The following SCUBE1 variants were observed in gnomAD, a reference collection of about 807,000 sequenced individuals.
SCUBE1 encodes signal peptide, CUB and EGF-like domain-containing protein 1.
Under a neutral mutation model 124.4 loss-of-function variants are expected in SCUBE1, and 59 were observed. That is an observed-to-expected ratio of 0.47 (90% confidence interval 0.38 to 0.59). The LOEUF is 0.59. Ranked by LOEUF, SCUBE1 falls within the 20% of genes least tolerant of loss-of-function variation. SCUBE1 has a pLI of 0.00. For missense variants in SCUBE1, 1,150 were observed against 1,371.2 expected, an observed-to-expected ratio of 0.84 and a Z score of 2.55; for synonymous variants, 545 against 550.9, an observed-to-expected ratio of 0.99 and a Z score of 0.15.
In SCUBE1 at chr22:43,203,603, C is replaced by T. The variant is rs943837257; in HGVS notation, c.*394G>A. ...GACCTCCCCCAGACGGCGCCTTTGT[C>T]CCCTCCTCTCTCCCCTGGACTCCTG... On this transcript the variant is annotated 3_prime_UTR_variant, in exon 22 of 22. Coordinates refer to ENST00000360835, the MANE Select transcript of SCUBE1 (RefSeq NM_173050.5). 1.7e-5 allele frequency: 3 copies of T among 172,228 alleles called. No homozygotes were observed. The highest frequency in any genetic ancestry group is 7.2e-5 in the African/African-American group (3 of 41,738). The allele number at this position is 172,228 out of a possible 1,614,324, so 10.7% of individuals were successfully genotyped here.
At chr22:43,236,998 C>T (rs1365738599) in intron 7 of SCUBE1, among the ~76,000 whole-genome samples, 1 of 152,010 alleles carries the variant, frequency 6.6e-6, no homozygotes, top group Non-Finnish European at 1.5e-5. Context: ...TGAGTGCAGC[C>T]ACAGGCCCAG....
intron 2 of SCUBE1, among the ~76,000 whole-genome samples, chr22:43,324,654 T>C (rs1460193135): frequency 4.0e-5 from 6 of 151,778 alleles, no homozygotes; most frequent in African/African-American, 1.5e-4. Flanking sequence ...TAAAAACATA[T>C]CCAGGAGTCG....
At chr22:43,214,734 G>T (rs1179666250) in intron 15 of SCUBE1, among the ~76,000 whole-genome samples, 2 of 152,346 alleles carry the variant, frequency 1.3e-5, no homozygotes, top group Non-Finnish European at 2.9e-5. Context: ...CGGGCGAGGT[G>T]GGAGGGGCGT....
intron 3 of SCUBE1, among the ~76,000 whole-genome samples, chr22:43,310,128 G>A (rs761496630): frequency 1.5e-4 from 23 of 151,924 alleles, no homozygotes; most frequent in Non-Finnish European, 2.8e-4. Flanking sequence ...GCCCCGGCCC[G>A]CCTCGTTGCC....
intron 6 of SCUBE1, among the ~76,000 whole-genome samples, chr22:43,254,329 G>A (rs1372248706): frequency 6.6e-6 from 1 of 152,226 alleles, no homozygotes; most frequent in Non-Finnish European, 1.5e-5. Context: ...CCCCTAAGGA[G>A]TGGGCAGGCC....
chr22:43,319,796 G>C, intron 3 of SCUBE1, 141 bp downstream of exon 3: 1 of 969,014 alleles, frequency 1.0e-6, no homozygotes, highest in Non-Finnish European at 1.5e-6. Flanking sequence ...CCAGTCTGTG[G>C]TATTTTGTTA....
chr22:43,289,434 C>T (rs1340503910), intron 4 of SCUBE1, among the ~76,000 whole-genome samples: 9 of 152,220 alleles, frequency 5.9e-5, no homozygotes, highest in African/African-American at 1.4e-4. Context: ...CCAGGAGCCA[C>T]GGAGCTCGGG....
intron 6 of SCUBE1, among the ~76,000 whole-genome samples, chr22:43,254,676 C>G (rs1923589248): frequency 6.6e-6 from 1 of 152,198 alleles, no homozygotes; most frequent in Non-Finnish European, 1.5e-5. Flanking sequence ...TGTGAGCTAT[C>G]TGAGAGCCAT....
chr22:43,210,807 G>C lies in SCUBE1; in HGVS notation c.2383+115C>G. 8.0e-7 allele frequency: 1 copy of C among 1,254,264 alleles called. No individual in the cohort carries two copies. Among genetic ancestry groups the C allele is most frequent in the Non-Finnish European group, 1.1e-6 (1 of 879,186 alleles). The allele number at this position is 1,254,264 out of a possible 1,614,324, so 77.7% of individuals were successfully genotyped here. ...ACCCGAGAGCAGACGGGACGGAGCG[G>C]GAGGAGTCCAGTGTCCTCGTGGAGC... On this transcript the variant is annotated intron_variant, in intron 18 of 21. Coordinates refer to ENST00000360835, the MANE Select transcript of SCUBE1 (RefSeq NM_173050.5). This position sits in a 1 kb window ranked among gnomAD's most constrained non-coding sequence, Gnocchi z 4.5.
At chr22:43,273,256 C>T (rs1404767669) in intron 4 of SCUBE1, among the ~76,000 whole-genome samples, 2 of 152,208 alleles carry the variant, frequency 1.3e-5, no homozygotes, top group African/African-American at 4.8e-5. Flanking sequence ...CAAGCTTCTC[C>T]GAAAGCAGGA....
intron 4 of SCUBE1, among the ~76,000 whole-genome samples, chr22:43,280,766 T>TCCTGTCACCTCCCTCATC (rs1569009869): frequency 6.6e-5 from 7 of 106,654 alleles, no homozygotes; most frequent in African/African-American, 2.8e-4. Flanking sequence ...CCTCCCTCAT[T>TCCTGTCACCTCCCTCATC]GGCCACCCTC....
intron 3 of SCUBE1, among the ~76,000 whole-genome samples, chr22:43,297,916 A>G (rs1925624208): frequency 6.6e-6 from 1 of 152,150 alleles, no homozygotes; most frequent in African/African-American, 2.4e-5. Context: ...CAGGCCCTCC[A>G]CTGGCTCCGG....
intron 6 of SCUBE1, among the ~76,000 whole-genome samples, chr22:43,247,903 G>C (rs750368632): frequency 6.6e-6 from 1 of 152,210 alleles, no homozygotes; most frequent in African/African-American, 2.4e-5. Context: ...CTGCAGGGCC[G>C]GGGGGTCAGG....
chr22:43,208,499 G>T (rs1921394783), intron 19 of SCUBE1, among the ~76,000 whole-genome samples: 1 of 152,118 alleles, frequency 6.6e-6, no homozygotes, highest in African/African-American at 2.4e-5. Context: ...ATCTTGCTCT[G>T]CTCTGGTGAA....
At chr22:43,291,633 C>A (rs1158816695) in intron 3 of SCUBE1, among the ~76,000 whole-genome samples, 1 of 152,052 alleles carries the variant, frequency 6.6e-6, no homozygotes, top group Non-Finnish European at 1.5e-5. Context: ...GCATGGTGGG[C>A]CTCCATCGTG....
intron 6 of SCUBE1, among the ~76,000 whole-genome samples, chr22:43,241,457 C>G (rs907128418): frequency 2.0e-5 from 3 of 152,098 alleles, no homozygotes; most frequent in Non-Finnish European, 2.9e-5. Flanking sequence ...TGGAGGGGAC[C>G]TGCTCCATCT....
At chr22:43,291,513 C>T (rs1925358089) in intron 3 of SCUBE1, among the ~76,000 whole-genome samples, 1 of 143,590 alleles carries the variant, frequency 7.0e-6, no homozygotes, top group South Asian at 2.3e-4. Flanking sequence ...TTTTGCTGTG[C>T]TACAGTGGTA....
chr22:43,247,465 C>CA (rs1923261507), intron 6 of SCUBE1, among the ~76,000 whole-genome samples: 1 of 152,224 alleles, frequency 6.6e-6, no homozygotes, highest in Non-Finnish European at 1.5e-5. Context: ...GCTCTAAGAA[C>CA]AAATGCACGG....
intron 6 of SCUBE1, among the ~76,000 whole-genome samples, chr22:43,252,753 T>C (rs945059156): frequency 2.6e-5 from 4 of 152,256 alleles, no homozygotes; most frequent in African/African-American, 9.6e-5. Flanking sequence ...TCTCCCCACA[T>C]AGGGACTGGC....
Sources: gnomAD v4.1 joint callset for allele counts (sites outside exome capture counted in the v4.1 genomes callset) on GRCh38, gnomAD v4.1.1 for gene constraint, Gnocchi (gnomAD v3.1) non-coding constraint, MANE v1.5 for transcripts, NCBI Gene and HGNC (gene_info 2026-07-23, HGNC 2026-07-21) for gene names.